Variants in CA10 observed in about 807,000 individuals in gnomAD.
CA10 encodes the protein carbonic anhydrase 10 (inactive), also known as carbonic anhydrase-related protein 10.
A neutral mutation model predicts 44.2 loss-of-function variants in CA10; 14 were observed. That is an observed-to-expected ratio of 0.32 (90% CI 0.21 to 0.50). The LOEUF (loss-of-function observed/expected upper bound fraction) is 0.50, where lower values mean the gene tolerates loss of function less well. Among genes scored for constraint, CA10 ranks in the 20% least tolerant of loss-of-function variants. CA10 has a pLI of 0.99. For synonymous variants in CA10, 159 were observed against 141.6 expected (o/e 1.12, Z -0.87); for missense variants, 350 against 409.7 (o/e 0.85, Z 1.26).
intron 1 of CA10, among the ~76,000 whole-genome samples, chr17:52,121,661 AAC>A (rs558555197): frequency 3.4e-5 from 3 of 88,896 alleles, no homozygotes; most frequent in African/African-American, 1.4e-4. Flanking sequence ...TCTATCTCTA[AAC>A]ACACACACAC....
intron 2 of CA10, among the ~76,000 whole-genome samples, chr17:51,977,472 C>A (rs1984502979): frequency 6.6e-6 from 1 of 151,892 alleles, no homozygotes; most frequent in African/African-American, 2.4e-5. Flanking sequence ...CTCAAAAAAT[C>A]TATTTTTAAA....
At chr17:51,698,261 C>T (rs1200199508) in intron 4 of CA10, among the ~76,000 whole-genome samples, 1 of 152,222 alleles carries the variant, frequency 6.6e-6, no homozygotes, top group Non-Finnish European at 1.5e-5. Context: ...TTCCGTCTGG[C>T]TGGCTCATCT....
At chr17:51,946,281 A>C (rs1238851121) in intron 2 of CA10, among the ~76,000 whole-genome samples, 3 of 152,186 alleles carry the variant, frequency 2.0e-5, no homozygotes, top group Non-Finnish European at 4.4e-5. Flanking sequence ...GGAAAGTGCT[A>C]AGAACAGATT....
intron 1 of CA10, among the ~76,000 whole-genome samples, chr17:52,156,080 T>C (rs1860077769): frequency 6.6e-6 from 1 of 152,210 alleles, no homozygotes; most frequent in South Asian, 2.1e-4. Flanking sequence ...GTTAACCCTT[T>C]ATAAATCTTA....
chr17:52,068,469 G>A (rs1040355357), intron 2 of CA10, among the ~76,000 whole-genome samples: 2 of 152,120 alleles, frequency 1.3e-5, no homozygotes, highest in Non-Finnish European at 2.9e-5. Context: ...ATCCCTCTTT[G>A]CCTGTGCTGT....
At chr17:51,740,936 T>C (rs377747735) in intron 4 of CA10, among the ~76,000 whole-genome samples, 2 of 152,216 alleles carry the variant, frequency 1.3e-5, no homozygotes, top group East Asian at 1.9e-4. Context: ...TCTCTCTCCA[T>C]AGCATTTATC....
intron 4 of CA10, among the ~76,000 whole-genome samples, chr17:51,711,588 G>T (rs1027396647): frequency 1.3e-5 from 2 of 152,236 alleles, no homozygotes; most frequent in African/African-American, 4.8e-5. Context: ...GCCTGCGATG[G>T]AGAGTCTAGT....
intron 3 of CA10, among the ~76,000 whole-genome samples, chr17:51,861,935 G>T (rs746535448): frequency 8.5e-5 from 13 of 152,192 alleles, no homozygotes; most frequent in Non-Finnish European, 1.3e-4. Flanking sequence ...AATGGATTCT[G>T]TAAGGCTAGA....
rs1343778939 is a variant in CA10 at position 51,723,990 on chromosome 17, C to T, written c.465+23643G>A. Among the ~76,000 whole-genome samples, 5 of 152,152 alleles carry T rather than the reference C, an allele frequency of 3.3e-5. No homozygotes were observed. In the South Asian group the frequency reaches 1.0e-3, roughly 32 times the overall value. On this transcript the variant is annotated intron_variant, in intron 4 of 8. Coordinates refer to ENST00000451037, the MANE Select transcript of CA10 (RefSeq NM_020178.5). The stretch of plus-strand genomic sequence containing the variant: ...ACATCCCTTGCCCTGGGTTCTGGCT[C>T]CCAACGGTGCTGCAGGGCAGATGAA...
chr17:51,675,892 A>G (rs565708075), intron 4 of CA10, among the ~76,000 whole-genome samples: 1 of 152,294 alleles, frequency 6.6e-6, no homozygotes, highest in Non-Finnish European at 1.5e-5. Context: ...TGACACATGC[A>G]AGACATTTGC....
chr17:51,935,196 G>A (rs1358064270), intron 2 of CA10, among the ~76,000 whole-genome samples: 1 of 152,146 alleles, frequency 6.6e-6, no homozygotes. Flanking sequence ...GTTATATAAT[G>A]CTGTGGCAGG....
rs183505152 is a variant in CA10 at position 51,967,552 on chromosome 17, C to T, written c.137-36420G>A. ...TGTCCTCTGCAGTAACATAGATGCA[C>T]CTGGAGGCCATTATCCTGAGCAAAT... is the stretch of plus-strand genomic sequence containing the variant. On this transcript the variant is annotated intron_variant, in intron 2 of 8. Coordinates refer to ENST00000451037, the MANE Select transcript of CA10 (RefSeq NM_020178.5). 1.5e-4 allele frequency among the ~76,000 whole-genome samples: 22 copies of T among 151,706 alleles called. No individual in the cohort carries two copies. In the East Asian group the frequency reaches 4.2e-3, roughly 29 times the overall value.
At chr17:52,001,066 T>C (rs1383961859) in intron 2 of CA10, among the ~76,000 whole-genome samples, 5 of 143,368 alleles carry the variant, frequency 3.5e-5, no homozygotes, top group Non-Finnish European at 7.6e-5. Context: ...TGTTGTTAAT[T>C]GTCTCACTAG....
At chr17:51,828,774 T>C (rs1211075987) in intron 3 of CA10, among the ~76,000 whole-genome samples, 2 of 152,238 alleles carry the variant, frequency 1.3e-5, no homozygotes, top group East Asian at 3.8e-4. Flanking sequence ...ATGCATTTTG[T>C]TCATGGAATA....
intron 2 of CA10, among the ~76,000 whole-genome samples, chr17:52,035,704 G>A (rs952160258): frequency 3.3e-5 from 5 of 152,196 alleles, no homozygotes; most frequent in African/African-American, 9.7e-5. Flanking sequence ...GTTCACTCCT[G>A]CTGGTGCCGA....
chr17:51,942,926 G>A (rs1056667259), intron 2 of CA10, among the ~76,000 whole-genome samples: 3 of 152,072 alleles, frequency 2.0e-5, no homozygotes, highest in African/African-American at 7.2e-5. Context: ...TACTTATTGA[G>A]TGGGTGGATG....
chr17:51,870,055 C>T lies in CA10; in HGVS notation c.279+60935G>A, dbSNP rs1232232195. 3.3e-5 allele frequency among the ~76,000 whole-genome samples: 5 copies of T among 152,188 alleles called. No homozygotes were observed. The East Asian group carries it at 9.6e-4, about 29-fold the overall frequency. On this transcript the variant is annotated intron_variant, in intron 3 of 8. Transcript: ENST00000451037. ...ACTCTTTAATTAGTATTTACTAAGG[C>T]CAATCTATTGCTGCATGAACTTTTA...
intron 3 of CA10, among the ~76,000 whole-genome samples, chr17:51,896,742 A>G (rs911812264): frequency 6.6e-6 from 1 of 151,978 alleles, no homozygotes; most frequent in Admixed American, 6.6e-5. Flanking sequence ...CCTCCCCAGC[A>G]TCTGTTACTT....
chr17:51,849,674 A>G (rs577984557), intron 3 of CA10, among the ~76,000 whole-genome samples: 1 of 152,348 alleles, frequency 6.6e-6, no homozygotes, highest in South Asian at 2.1e-4. Context: ...TCTGCCTCAT[A>G]GAAGAAACTT....
Sources: gnomAD v4.1 joint callset for allele counts (sites outside exome capture counted in the v4.1 genomes callset) on GRCh38, gnomAD v4.1.1 for gene constraint, MANE v1.5 for transcripts, NCBI Gene and HGNC (gene_info 2026-07-23, HGNC 2026-07-21) for gene names.